Variants in POLR1A observed in about 807,000 individuals in gnomAD.
POLR1A encodes DNA-directed RNA polymerase I subunit RPA1.
Under a neutral mutation model 205.3 loss-of-function variants are expected in POLR1A, and 84 were observed. The ratio of observed to expected loss-of-function variants is 0.41; its 90% CI spans 0.34 to 0.49. The LOEUF (loss-of-function observed/expected upper bound fraction) is 0.49. POLR1A is among the 20% of genes least tolerant of loss of function. POLR1A has a pLI of 0.22. For missense variants in POLR1A, 1,645 were observed against 2,204.5 expected, an observed-to-expected ratio of 0.75 and a Z score of 5.08; for synonymous variants, 799 against 863.7, an observed-to-expected ratio of 0.93 and a Z score of 1.31.
intron 15 of POLR1A, 130 bp downstream of exon 15, chr2:86,054,010 C>A: frequency 2.4e-6 from 2 of 842,120 alleles, no homozygotes; most frequent in Non-Finnish European, 3.7e-6. Flanking sequence ...ACAACTCAGG[C>A]ACAACGCCTT....
At chr2:86,101,237 CA>C (rs1432080842) in intron 1 of POLR1A, among the ~76,000 whole-genome samples, 1 of 152,184 alleles carries the variant, frequency 6.6e-6, no homozygotes, top group Non-Finnish European at 1.5e-5. Flanking sequence ...CCCAATCTGA[CA>C]GCCTAGAGGA....
intron 1 of POLR1A, among the ~76,000 whole-genome samples, chr2:86,101,670 T>A (rs1054161953): frequency 2.0e-5 from 3 of 152,248 alleles, no homozygotes; most frequent in African/African-American, 7.2e-5. Context: ...AAATTCATCA[T>A]AACTGTTTCA....
rs552113703 is a variant in POLR1A, at chr2:86,094,578, A to G, written c.432+4033T>C. On this transcript the variant is annotated intron_variant, in intron 3 of 33. Transcript: ENST00000263857. ...AAACAAGAAGGGGGTGCTAGGTGCT[A>G]TCACTCCTCTGAGCCCTTTCAGGGA... 3.3e-5 allele frequency among the ~76,000 whole-genome samples: 5 copies of G among 152,350 alleles called. No individual in the cohort carries two copies. The South Asian group carries it at 1.0e-3, about 32-fold the overall frequency.
At chr2:86,033,522 C>T in intron 28 of POLR1A, 139 bp downstream of exon 28, 1 of 963,714 alleles carries the variant, frequency 1.0e-6, no homozygotes, top group Non-Finnish European at 1.5e-6. Context: ...GCTCTCAGAA[C>T]AGCAGGTAAA....
intron 13 of POLR1A, chr2:86,065,826 T>C (rs1416542928): frequency 9.7e-6 from 2 of 206,216 alleles, no homozygotes; most frequent in African/African-American, 4.7e-5. Context: ...GTGTTCTTGT[T>C]TTTATACTTT....
intron 24 of POLR1A, among the ~76,000 whole-genome samples, 153 bp downstream of exon 24, chr2:86,041,736 C>T (rs1672614273): frequency 6.6e-6 from 1 of 152,206 alleles, no homozygotes; most frequent in Non-Finnish European, 1.5e-5. Context: ...GGGGCTTGTG[C>T]GTTGCCCCTG....
rs147403544 is a variant in POLR1A at position 86,099,983 on chromosome 2, G to A, written c.267C>T (p.Asn89=). Residue 89 remains asparagine (N), a synonymous_variant, in exon 2 of 34, where the codon AAC becomes AAT. Coordinates refer to ENST00000263857, the MANE Select transcript of POLR1A (RefSeq NM_015425.6). ...CAGCACTTACATCGAAGAGGAGAGG[G>A]TTATACACTGTGAGTGGGAGCTCAA... ...GHIELPLTVY[N]PLLFDKLYLL... is the part of the protein sequence containing the mutation. 5.6e-6 allele frequency: 9 copies of A among 1,613,920 alleles called. No homozygotes were observed. Among genetic ancestry groups the A allele is most frequent in the Non-Finnish European group, 7.6e-6 (9 of 1,179,884 alleles).
Position 86,031,590 on chromosome 2 carries a change from TCTC to T in POLR1A, c.4315_4317del (p.Glu1439del), listed in dbSNP as rs1672395238. ...TCCTCCTGCATGTCTTCATCGTCGT[TCTC>T]CTCGCCCTCCCTCTCCTCCTCTTCC... is the stretch of plus-strand genomic sequence containing the variant. On this transcript the variant is annotated inframe_deletion, in exon 30 of 34. Coordinates refer to ENST00000263857, the MANE Select transcript of POLR1A (RefSeq NM_015425.6). 1 of 1,613,614 alleles carries T rather than the reference TCTC, an allele frequency of 6.2e-7. No homozygotes were observed. Among genetic ancestry groups the T allele is most frequent in the Non-Finnish European group, 8.5e-7 (1 of 1,179,622 alleles).
intron 23 of POLR1A, 24 bp downstream of exon 23, chr2:86,042,950 A>C (rs1276417196): frequency 6.4e-7 from 1 of 1,569,340 alleles, no homozygotes; most frequent in Admixed American, 1.7e-5. Context: ...GCTGGACATT[A>C]AGGACACCAC....
intron 1 of POLR1A, among the ~76,000 whole-genome samples, chr2:86,100,451 C>T (rs951331090): frequency 6.6e-6 from 1 of 151,888 alleles, no homozygotes; most frequent in Admixed American, 6.6e-5. Context: ...ACAAAACTTG[C>T]ACTAAGTACA....
chr2:86,045,202 G>T, intron 21 of POLR1A, 76 bp downstream of exon 21: 1 of 947,152 alleles, frequency 1.1e-6, no homozygotes, highest in Non-Finnish European at 1.7e-6. Context: ...TAAATGAGCT[G>T]CTGATATAAT....
At chr2:86,088,429 G>A in intron 6 of POLR1A, 137 bp downstream of exon 6, 1 of 624,920 alleles carries the variant, frequency 1.6e-6, no homozygotes, top group Non-Finnish European at 2.8e-6. Flanking sequence ...GGCCTGAGAG[G>A]CCTGCACACT....
intron 27 of POLR1A, among the ~76,000 whole-genome samples, chr2:86,037,517 C>T (rs1003555743): frequency 6.6e-6 from 1 of 152,214 alleles, no homozygotes; most frequent in Non-Finnish European, 1.5e-5. Context: ...CGTGACTCAG[C>T]GACGAATGGG....
At position 86,093,806 on chromosome 2, in the gene POLR1A, A is replaced by G. The variant is rs75065405; in HGVS notation, c.433-3877T>C. ...ATAGTGCCACTGTACTCTAACTTGG[A>G]TAACAGGGCCAGACTCTGTCTCAAA... On this transcript the variant is annotated intron_variant, in intron 3 of 33. Coordinates refer to ENST00000263857, the MANE Select transcript of POLR1A (RefSeq NM_015425.6). Among the ~76,000 whole-genome samples the G allele has an allele frequency of 2.7e-3, 410 of 152,318 alleles. 3 individuals are homozygous for G. The highest frequency in any genetic ancestry group is 4.7e-3 in the Non-Finnish European group (319 of 68,026).
chr2:86,027,604 T>C, intron 33 of POLR1A, 81 bp from the exon 34 acceptor site: 1 of 1,266,238 alleles, frequency 7.9e-7, no homozygotes, highest in Non-Finnish European at 1.1e-6. Flanking sequence ...GGCTGAACAC[T>C]GAAGTCTCGG....
intron 27 of POLR1A, among the ~76,000 whole-genome samples, chr2:86,037,980 C>T (rs1330995024): frequency 6.6e-6 from 1 of 152,206 alleles, no homozygotes; most frequent in Admixed American, 6.5e-5. Flanking sequence ...GGCTATGCAG[C>T]CTTTTTGTGT....
intron 16 of POLR1A, among the ~76,000 whole-genome samples, 155 bp from the exon 17 acceptor site, chr2:86,049,397 C>A (rs1672761782): frequency 6.6e-6 from 1 of 152,152 alleles, no homozygotes; most frequent in Middle Eastern, 3.2e-3. Context: ...TAACAGATTG[C>A]CACCATCTCT....
chr2:86,081,430 T>C (rs1673399635), intron 8 of POLR1A, among the ~76,000 whole-genome samples, 171 bp downstream of exon 8: 1 of 152,004 alleles, frequency 6.6e-6, no homozygotes, highest in Non-Finnish European at 1.5e-5. Flanking sequence ...ACATTCCTAT[T>C]GCGTTCACAA....
At position 86,023,223 on chromosome 2, in the gene POLR1A, G is replaced by A. The variant is rs999636982; in HGVS notation, c.*4200C>T. On this transcript the variant is annotated 3_prime_UTR_variant, in exon 34 of 34. Transcript: ENST00000263857. The stretch of plus-strand genomic sequence containing the variant: ...ACTGCACCAGGGTCAGGAGACCTGC[G>A]GTAGGCCCAGCAACTCTGTGACCTA... 2 of 152,168 alleles carry A rather than the reference G, an allele frequency of 1.3e-5. No homozygotes were observed. The highest frequency in any genetic ancestry group is 1.9e-4 in the East Asian group (1 of 5,206). The allele number at this position is 152,168 out of a possible 1,614,324, so 9.4% of individuals were successfully genotyped here.
Sources: gnomAD v4.1 joint callset for allele counts (sites outside exome capture counted in the v4.1 genomes callset) on GRCh38, gnomAD v4.1.1 for gene constraint, MANE v1.5 for transcripts, NCBI Gene and HGNC (gene_info 2026-07-23, HGNC 2026-07-21) for gene names.